Variants in CLCN5 observed in about 807,000 individuals in gnomAD.
CLCN5 encodes H(+)/Cl(-) exchange transporter 5.
Under a neutral mutation model 54.0 loss-of-function variants are expected in CLCN5, and 17 were observed. The ratio of observed to expected loss-of-function variants is 0.31; its 90% confidence interval spans 0.22 to 0.47. The LOEUF (loss-of-function observed/expected upper bound fraction) is 0.47. Among genes scored for constraint, CLCN5 ranks in the 20% least tolerant of loss-of-function variants. The probability of loss-of-function intolerance (pLI) is 1.00; values close to 1 mark genes in which losing one functional copy is unlikely to be tolerated. For synonymous variants in CLCN5, 222 were observed against 233.0 expected, an observed-to-expected ratio of 0.95 and a Z score of 0.43; for missense variants, 448 against 646.7, an observed-to-expected ratio of 0.69 and a Z score of 3.33.
intron 3 of CLCN5, among the ~76,000 whole-genome samples, chrX:50,015,511 A>G (rs1557183399): frequency 9.2e-6 from 1 of 108,174 alleles, no homozygotes; most frequent in African/African-American, 3.4e-5. Context: ...CTATATCTTT[A>G]TATTACCTTA....
At position 50,098,098 on chromosome X, in the gene CLCN5, T is replaced by A. The variant is rs1337210489; in HGVS notation, c.*5879T>A. The A allele has an allele frequency of 8.9e-6, 1 of 112,645 alleles. No homozygotes were observed. Among genetic ancestry groups the A allele is most frequent in the Non-Finnish European group, 1.9e-5 (1 of 53,337 alleles). The allele number at this position is 112,645 out of a possible 1,213,427, so 9.3% of individuals were successfully genotyped here. A position where few individuals can be genotyped will look rare whatever the true frequency, so the allele number is the denominator to read the frequency against. ...TCCTTTCTCTCCCATTTTCCTGGCT[T>A]TTTAGCACTCAGCTTTTTTTTATAA... On this transcript the variant is annotated 3_prime_UTR_variant, in exon 15 of 15. Transcript: ENST00000376091.
chrX:50,034,835 C>G (rs181141627), intron 3 of CLCN5, among the ~76,000 whole-genome samples: 36 of 111,029 alleles, frequency 3.2e-4, no homozygotes, highest in African/African-American at 9.5e-4. Context: ...TCTTTCTCCT[C>G]CAACCTAAAT....
At chrX:49,981,873 A>G (rs1188193061) in intron 3 of CLCN5, among the ~76,000 whole-genome samples, 1 of 110,933 alleles carries the variant, frequency 9.0e-6, no homozygotes, top group Non-Finnish European at 1.9e-5. Context: ...CTTCACACCC[A>G]GTGTACTTTT....
intron 3 of CLCN5, among the ~76,000 whole-genome samples, chrX:49,984,884 T>C (rs1318777420): frequency 9.0e-6 from 1 of 110,875 alleles, no homozygotes. Flanking sequence ...CCCAAAGTGC[T>C]GGGATTAGAG....
chrX:49,940,299 G>A (rs782455785), intron 3 of CLCN5, among the ~76,000 whole-genome samples: 3 of 112,076 alleles, frequency 2.7e-5, no homozygotes, highest in African/African-American at 9.7e-5. Flanking sequence ...ATGAGACAAT[G>A]TATATAAATA....
intron 3 of CLCN5, among the ~76,000 whole-genome samples, chrX:49,927,141 T>C (rs919676397): frequency 1.8e-5 from 2 of 111,664 alleles, no homozygotes; most frequent in Non-Finnish European, 3.8e-5. Context: ...AGAACTGATA[T>C]TGGCACAGAT....
chrX:50,079,256 C>T (rs1471395594), intron 7 of CLCN5, among the ~76,000 whole-genome samples: 1 of 111,636 alleles, frequency 9.0e-6, no homozygotes, highest in African/African-American at 3.3e-5. Flanking sequence ...TCATGTGTTC[C>T]TCTGAGGGCC....
intron 3 of CLCN5, among the ~76,000 whole-genome samples, chrX:50,036,185 G>A: frequency 9.5e-6 from 1 of 105,363 alleles, no homozygotes; most frequent in Admixed American, 9.7e-5. Context: ...TTACTCTGCA[G>A]CTTTAATTTT....
chrX:49,937,785 A>G (rs1926079301), intron 3 of CLCN5, among the ~76,000 whole-genome samples: 1 of 111,836 alleles, frequency 8.9e-6, no homozygotes, highest in African/African-American at 3.2e-5. Context: ...TGATTTGTTT[A>G]AATGTTGCAA....
chrX:50,033,994 A>C (rs896600349), intron 3 of CLCN5, among the ~76,000 whole-genome samples: 2 of 111,561 alleles, frequency 1.8e-5, no homozygotes, highest in East Asian at 5.6e-4. Context: ...AAGCACTACT[A>C]TTTCCTCCTG....
chrX:49,949,844 G>T (rs1926946803), intron 3 of CLCN5, among the ~76,000 whole-genome samples: 1 of 111,529 alleles, frequency 9.0e-6, no homozygotes, highest in Admixed American at 9.5e-5. Context: ...CTTCAATTTG[G>T]CTATGGCTTC....
intron 3 of CLCN5, among the ~76,000 whole-genome samples, chrX:49,987,895 A>G (rs1270997794): frequency 1.8e-5 from 2 of 111,690 alleles, no homozygotes; most frequent in African/African-American, 6.5e-5. Flanking sequence ...ATCCCAGGGT[A>G]GAAATGTGAT....
In CLCN5 at chrX:50,092,185, C is replaced by T. The variant is rs782682661; in HGVS notation, c.2417C>T (p.Ala806Val). 8.3e-6 allele frequency: 10 copies of T among 1,199,761 alleles called. No individual in the cohort carries two copies. Among genetic ancestry groups the T allele is most frequent in the South Asian group, 1.8e-5 (1 of 56,556 alleles). ...KDVLKHIAQM[A>V]NQDPDSILFN Reference sequence around the variant, plus strand: ...GTGTTAAAGCATATAGCACAGATGGCGAACCAAGATCCTGATTCCATTCTC... The same window carrying T: ...GTGTTAAAGCATATAGCACAGATGGTGAACCAAGATCCTGATTCCATTCTC... The change falls in exon 15 of 15, where the codon GCG (alanine) becomes GTG (valine). Residue 806 changes from alanine (A) to valine (V), a missense_variant. Transcript: ENST00000376091.
Position 50,072,508 on chromosome X carries a change from A to C in CLCN5, c.335A>C (p.Glu112Ala). The change falls in exon 6 of 15, where the codon GAG (glutamate) becomes GCG (alanine). Residue 112 changes from glutamate to alanine, a missense_variant. By Grantham distance (107) the Glu-to-Ala change is moderately radical. Coordinates refer to ENST00000376091, the MANE Select transcript of CLCN5 (RefSeq NM_001127898.4). ...CCCTAGATTACCAATAAAAGCAAAG[A>C]GTCAACATGGGCCTTAATTCACAGT... Reference protein sequence around the residue: ...RHREITNKSKESTWALIHSVS... With the variant: ...RHREITNKSKASTWALIHSVS... 1 of 1,205,008 alleles carries C rather than the reference A, an allele frequency of 8.3e-7. No individual in the cohort carries two copies. Among genetic ancestry groups the C allele is most frequent in the Non-Finnish European group, 1.1e-6 (1 of 889,286 alleles).
intron 4 of CLCN5, among the ~76,000 whole-genome samples, chrX:50,069,131 G>T (rs913805211): frequency 8.9e-6 from 1 of 112,083 alleles, no homozygotes; most frequent in African/African-American, 3.2e-5. Context: ...TTGTAGTCTA[G>T]AAAGGAAGAT....
intron 3 of CLCN5, among the ~76,000 whole-genome samples, chrX:50,033,700 C>T (rs1557186193): frequency 9.0e-6 from 1 of 111,584 alleles, no homozygotes; most frequent in Non-Finnish European, 1.9e-5. Flanking sequence ...AAAAAGAACC[C>T]ACATCGCCAA....
intron 3 of CLCN5, among the ~76,000 whole-genome samples, chrX:49,991,739 A>G: frequency 8.9e-6 from 1 of 111,994 alleles, no homozygotes; most frequent in Middle Eastern, 4.6e-3. Context: ...CACCTACAAA[A>G]CAGTGTGCAA....
At chrX:49,927,390 G>A (rs2147248593) in intron 3 of CLCN5, among the ~76,000 whole-genome samples, 1 of 112,151 alleles carries the variant, frequency 8.9e-6, no homozygotes, top group South Asian at 3.7e-4. Context: ...TCCAGCATTA[G>A]TGAAGAGGGG....
rs1166510842 is a variant in CLCN5, at chrX:50,092,459, A to G, written c.*240A>G. ...TTAGGAAGATATCATGAAAGAATAA[A>G]TAAGATTGCTATGGTTTAATTATAT... On this transcript the variant is annotated 3_prime_UTR_variant, in exon 15 of 15. Coordinates refer to ENST00000376091, the MANE Select transcript of CLCN5 (RefSeq NM_001127898.4). The G allele has an allele frequency of 2.6e-6, 1 of 383,923 alleles. No homozygotes were observed. The highest frequency in any genetic ancestry group is 4.4e-5 in the Admixed American group (1 of 22,901). The allele number at this position is 383,923 out of a possible 1,213,427, so 31.6% of individuals were successfully genotyped here. A position where few individuals can be genotyped will look rare whatever the true frequency, so the allele number is the denominator to read the frequency against.
Sources: allele counts gnomAD v4.1 joint callset (sites outside exome capture counted in the v4.1 genomes callset), GRCh38; gene constraint gnomAD v4.1.1; transcripts MANE v1.5; gene names NCBI Gene and HGNC (gene_info 2026-07-23, HGNC 2026-07-21).